Variants in GLIS1 observed in about 807,000 individuals in gnomAD.
GLIS1 encodes zinc finger protein GLIS1.
In GLIS1, 24 loss-of-function variants were observed where a neutral mutation model predicts 63.8. The ratio of observed to expected loss-of-function variants is 0.38; its 90% CI spans 0.27 to 0.53. The LOEUF (loss-of-function observed/expected upper bound fraction) is 0.53, where lower values mean the gene tolerates loss of function less well. Among genes scored for constraint, GLIS1 ranks in the 20% least tolerant of loss-of-function variants. GLIS1 has a pLI of 0.85. For missense variants in GLIS1, 1,036 were observed against 1,074.1 expected, an observed-to-expected ratio of 0.96 and a Z score of 0.50; for synonymous variants, 450 against 482.5, an observed-to-expected ratio of 0.93 and a Z score of 0.88.
At chr1:53,649,525 T>C (rs1236964867) in intron 2 of GLIS1, among the ~76,000 whole-genome samples, 1 of 152,172 alleles carries the variant, frequency 6.6e-6, no homozygotes, top group Non-Finnish European at 1.5e-5. Flanking sequence ...ACTGTAAACT[T>C]TGAATAACAC....
intron 7 of GLIS1, among the ~76,000 whole-genome samples, chr1:53,515,120 T>TGTGTGTGTG: frequency 7.7e-6 from 1 of 130,526 alleles, no homozygotes; most frequent in South Asian, 2.5e-4. Flanking sequence ...TGTGTGTGTG[T>TGTGTGTGTG]TCTGAGATGG....
At chr1:53,653,251 T>G (rs1233493241) in intron 2 of GLIS1, among the ~76,000 whole-genome samples, 1 of 152,224 alleles carries the variant, frequency 6.6e-6, no homozygotes, top group African/African-American at 2.4e-5. Flanking sequence ...AAGAAGCAGA[T>G]GGATGGACAT....
At chr1:53,544,038 G>A (rs574038462) in intron 4 of GLIS1, among the ~76,000 whole-genome samples, 30 of 152,338 alleles carry the variant, frequency 2.0e-4, no homozygotes, top group African/African-American at 7.2e-4. Flanking sequence ...GCGCAGCCCA[G>A]CCCAGATGCC....
At chr1:53,653,862 C>T (rs1193103253) in intron 2 of GLIS1, among the ~76,000 whole-genome samples, 1 of 152,210 alleles carries the variant, frequency 6.6e-6, no homozygotes, top group Non-Finnish European at 1.5e-5. Flanking sequence ...CCCCACCCTA[C>T]AGGCTGCCAG....
rs189551793 is a variant in GLIS1, at chr1:53,737,617, T to C, written c.259+189A>G. Among the ~76,000 whole-genome samples, 688 of 152,364 alleles carry C rather than the reference T, an allele frequency of 4.5e-3. 2 individuals carry two copies. The highest frequency in any genetic ancestry group is 6.5e-3 in the Non-Finnish European group (439 of 68,024). ...AACACATTTCCCCAAACGGGGCTAA[T>C]TGAATTTAAATTAGATGCTTCGCAA... On this transcript the variant is annotated intron_variant, in intron 2 of 10. Transcript: ENST00000628545.
At chr1:53,572,041 A>T (rs2100467853) in intron 4 of GLIS1, among the ~76,000 whole-genome samples, 1 of 152,350 alleles carries the variant, frequency 6.6e-6, no homozygotes, top group Non-Finnish European at 1.5e-5. Flanking sequence ...CACTAAACAG[A>T]AAATAGGCAG....
chr1:53,594,323 G>A lies in GLIS1; in HGVS notation c.1105C>T (p.Arg369Trp), dbSNP rs193201988. The change falls in exon 4 of 11, where the codon CGG becomes TGG. Residue 369 changes from arginine (R) to tryptophan (W), a missense_variant. Arg to Trp is a moderately radical substitution (Grantham distance 101). Around this residue, in one of 3 missense-constraint regions of GLIS1, gnomAD observed 592 missense variants for 593.9 expected, o/e 1.00. Coordinates refer to ENST00000628545, the MANE Select transcript of GLIS1 (RefSeq NM_001367484.1). ...CAGTCCACCCAGCGGCACGCCTGCCGCCCGGCCACCACCCTGCCTGCCAGG... is the reference window on the plus strand; with the variant it reads ...CAGTCCACCCAGCGGCACGCCTGCCACCCGGCCACCACCCTGCCTGCCAGG... The part of the protein sequence containing the change: ...LGLAGRVVAG[R>W]QACRWVDCCA... 115 of 1,611,528 alleles carry A rather than the reference G, an allele frequency of 7.1e-5. No individual in the cohort carries two copies. Among genetic ancestry groups the A allele is most frequent in the Middle Eastern group, 3.3e-4 (2 of 6,074 alleles).
In GLIS1 at chr1:53,737,875, C is replaced by A. The variant is rs928248431; in HGVS notation, c.190G>T (p.Ala64Ser). Reference sequence around the variant, plus strand: ...CTGCGGGGCCGGAGGAGGTCGTGGGCGCGCGGTGGCGGCGCAGGCGGCCGG... The same window carrying A: ...CTGCGGGGCCGGAGGAGGTCGTGGGAGCGCGGTGGCGGCGCAGGCGGCCGG... Reference protein sequence around the residue: ...LARPPAPPPRAHDLLRPRSPR... With the variant: ...LARPPAPPPRSHDLLRPRSPR... Residue 64 changes from alanine to serine, a missense_variant, in exon 2 of 11, where the codon GCC becomes TCC. Coordinates refer to ENST00000628545, the MANE Select transcript of GLIS1 (RefSeq NM_001367484.1). The A allele has an allele frequency of 4.1e-6, 5 of 1,230,862 alleles. No individual in the cohort carries two copies. 76.2% of individuals were successfully genotyped at this position (1,230,862 alleles called of 1,614,324 possible).
Position 53,526,526 on chromosome 1 carries a change from TACACACACACACAC to T in GLIS1, c.1483-1653_1483-1640del, listed in dbSNP as rs112780974. ...GGTAGGCTCCCTCTCTCACACACCA[TACACACACACACAC>T]ACACACACACACAAAACCACCACCA... On this transcript the variant is annotated intron_variant, in intron 5 of 10. Transcript: ENST00000628545. The surrounding 1 kb of genome is among the most constrained non-coding windows in gnomAD (Gnocchi z 4.4). Among the ~76,000 whole-genome samples, 3 of 144,948 alleles carry T rather than the reference TACACACACACACAC, an allele frequency of 2.1e-5. No homozygotes were observed. The highest frequency in any genetic ancestry group is 5.0e-5 in the African/African-American group (2 of 39,784).
At chr1:53,673,196 G>C (rs1646173938) in intron 2 of GLIS1, among the ~76,000 whole-genome samples, 1 of 152,138 alleles carries the variant, frequency 6.6e-6, no homozygotes, top group Admixed American at 6.5e-5. Context: ...TTAACCTCTT[G>C]TCCACACCAT....
intron 4 of GLIS1, among the ~76,000 whole-genome samples, chr1:53,558,160 T>G (rs770968201): frequency 1.3e-5 from 2 of 152,220 alleles, no homozygotes; most frequent in Non-Finnish European, 2.9e-5. Flanking sequence ...ACCAAGAGCC[T>G]GCCCTCGGAG....
At chr1:53,535,857 C>T (rs536089215) in intron 4 of GLIS1, among the ~76,000 whole-genome samples, 1 of 152,134 alleles carries the variant, frequency 6.6e-6, no homozygotes, top group East Asian at 1.9e-4. Context: ...TCAACATGTA[C>T]AGATCCTCAC....
intron 2 of GLIS1, among the ~76,000 whole-genome samples, chr1:53,713,822 A>G (rs1646670648): frequency 6.6e-6 from 1 of 152,212 alleles, no homozygotes; most frequent in African/African-American, 2.4e-5. Flanking sequence ...GAAAGAGATA[A>G]AGGACAAAAG....
intron 2 of GLIS1, among the ~76,000 whole-genome samples, chr1:53,666,588 C>A (rs539078049): frequency 3.0e-4 from 45 of 152,304 alleles, no homozygotes; most frequent in African/African-American, 1.1e-3. Flanking sequence ...CTCCCATCCC[C>A]ACTCTGCCCA....
intron 2 of GLIS1, among the ~76,000 whole-genome samples, chr1:53,700,581 T>C (rs1016707729): frequency 6.6e-6 from 1 of 152,176 alleles, no homozygotes. Flanking sequence ...AGGGGTCAGA[T>C]CCTGCAGGAG....
Position 53,708,684 on chromosome 1 carries a change from G to A in GLIS1, c.259+29122C>T, listed in dbSNP as rs368431599. ...GGCACAGGTTTCAGCAGGTCCCCCA[G>A]CTTACTTCCAGGCCCATCCCCAGGC... On this transcript the variant is annotated intron_variant, in intron 2 of 10. Transcript: ENST00000628545. Among the ~76,000 whole-genome samples, 575 of 152,214 alleles carry A rather than the reference G, an allele frequency of 3.8e-3. 4 individuals carry two copies. Among genetic ancestry groups the A allele is most frequent in the African/African-American group, 0.013 (550 of 41,538 alleles).
intron 2 of GLIS1, among the ~76,000 whole-genome samples, chr1:53,688,358 G>A (rs1646364501): frequency 6.6e-6 from 1 of 152,182 alleles, no homozygotes; most frequent in Non-Finnish European, 1.5e-5. Context: ...AGGGGAAGAC[G>A]TGGCGGGTGG....
rs796870801 is a variant in GLIS1 at position 53,602,237 on chromosome 1, GT to G, written c.260-1960del. On this transcript the variant is annotated intron_variant, in intron 2 of 10. Coordinates refer to ENST00000628545, the MANE Select transcript of GLIS1 (RefSeq NM_001367484.1). ...CTGGTAACAAATGTGAATGGCCCGA[GT>G]TAATGAGAGCAGGCTGCCGCTCATT... Among the ~76,000 whole-genome samples the G allele has an allele frequency of 2.0e-5, 3 of 152,112 alleles. No homozygotes were observed. The South Asian group carries it at 6.2e-4, about 32-fold the overall frequency.
At chr1:53,678,333 G>A (rs552787126) in intron 2 of GLIS1, among the ~76,000 whole-genome samples, 1 of 136,682 alleles carries the variant, frequency 7.3e-6, no homozygotes, top group South Asian at 2.8e-4. Context: ...GGGTGAGGGG[G>A]GGGGGGTGGG....
Sources: gnomAD v4.1 joint callset for allele counts (sites outside exome capture counted in the v4.1 genomes callset) on GRCh38, gnomAD v4.1.1 for gene constraint, gnomAD v4.1.1 regional missense constraint, Gnocchi (gnomAD v3.1) non-coding constraint, MANE v1.5 for transcripts, NCBI Gene and HGNC (gene_info 2026-07-23, HGNC 2026-07-21) for gene names.